KIF3A: variants seen among roughly 807,000 people sequenced by gnomAD.
KIF3A encodes the protein kinesin family member 3A, also known as kinesin-like protein KIF3A.
Under a neutral mutation model 92.6 loss-of-function variants are expected in KIF3A, and 27 were observed. The observed-to-expected ratio is 0.29, with a 90% CI of 0.21 to 0.40. KIF3A has a LOEUF of 0.40. Among genes scored for constraint, KIF3A ranks in the 10% least tolerant of loss-of-function variants. The pLI, the probability that KIF3A is intolerant of heterozygous loss-of-function variation, is 1.00. For synonymous variants in KIF3A, 250 were observed against 275.4 expected, an observed-to-expected ratio of 0.91 and a Z score of 0.92; for missense variants, 581 against 872.6, an observed-to-expected ratio of 0.67 and a Z score of 4.21.
intron 4 of KIF3A, among the ~76,000 whole-genome samples, chr5:132,722,420 A>G (rs1753855277): frequency 6.6e-6 from 1 of 152,172 alleles, no homozygotes; most frequent in Admixed American, 6.6e-5. Context: ...GTCCTAGAAT[A>G]TTTTAGAAAT....
intron 1 of KIF3A, 142 bp downstream of exon 1, chr5:132,737,272 C>T: frequency 1.1e-6 from 1 of 939,256 alleles, no homozygotes; most frequent in Non-Finnish European, 1.5e-6. Context: ...CCAGGCTCTC[C>T]AACCACCTCC....
intron 18 of KIF3A, 144 bp downstream of exon 18, chr5:132,699,027 T>A: frequency 1.2e-6 from 1 of 839,938 alleles, no homozygotes. Flanking sequence ...CGTGAGCCAC[T>A]GTGCCCAGCC....
chr5:132,700,185 T>G (rs773873862), intron 17 of KIF3A, 31 bp downstream of exon 17: 3 of 1,234,958 alleles, frequency 2.4e-6, no homozygotes, highest in Non-Finnish European at 3.5e-6. Flanking sequence ...TAGTTTTGTG[T>G]TTTGTTTTGT....
chr5:132,706,412 A>G (rs1162534040), intron 11 of KIF3A, 39 bp downstream of exon 11: 1 of 1,466,974 alleles, frequency 6.8e-7, no homozygotes. Flanking sequence ...TATAGGATAA[A>G]TAATTGTACC....
chr5:132,736,616 T>C lies in KIF3A; in HGVS notation c.6+798A>G, dbSNP rs35938541. 0.029 allele frequency among the ~76,000 whole-genome samples: 4,456 copies of C among 152,278 alleles called. 301 individuals are homozygous for C. The East Asian group carries it at 0.32, about 11-fold the overall frequency. ...ACTTGAAAGCAGTGAACAGAACAAA[T>C]ATAGAGCATTTAATCTTAAATGTCA... On this transcript the variant is annotated intron_variant, in intron 1 of 18. Coordinates refer to ENST00000403231, the MANE Select transcript of KIF3A (RefSeq NM_001300791.2).
intron 16 of KIF3A, 25 bp downstream of exon 16, chr5:132,700,622 G>C: frequency 6.8e-7 from 1 of 1,474,042 alleles, no homozygotes; most frequent in Non-Finnish European, 9.5e-7. Flanking sequence ...TAATTATTAC[G>C]TGAAAGAATG....
chr5:132,705,794 G>A (rs1753190623), intron 11 of KIF3A, among the ~76,000 whole-genome samples: 2 of 151,976 alleles, frequency 1.3e-5, no homozygotes, highest in African/African-American at 2.4e-5. Context: ...ATGTGAATAT[G>A]TGCTAACTCT....
intron 10 of KIF3A, among the ~76,000 whole-genome samples, chr5:132,708,607 A>G (rs75059256): frequency 0.01 from 1,567 of 152,352 alleles, 15 homozygotes; most frequent in Non-Finnish European, 0.014. Context: ...AACCTAAAAA[A>G]TAAGCATAAG....
At chr5:132,714,080 A>G (rs188444847) in intron 8 of KIF3A, among the ~76,000 whole-genome samples, 1 of 151,712 alleles carries the variant, frequency 6.6e-6, no homozygotes, top group African/African-American at 2.4e-5. Flanking sequence ...TATTTTCAGT[A>G]AAGATGGGGT....
Position 132,712,867 on chromosome 5 carries a change from A to C in KIF3A, c.1130-1810T>G, listed in dbSNP as rs912283862. ...AGTGTGCTAGACATCGTCATTAAAA[A>C]GGCATGACATGGCCGGGCATGGTGG... is the stretch of plus-strand genomic sequence containing the variant. On this transcript the variant is annotated intron_variant, in intron 8 of 18. Transcript: ENST00000403231. Among the ~76,000 whole-genome samples the C allele has an allele frequency of 3.9e-5, 6 of 152,352 alleles. No homozygotes were observed. In the South Asian group the frequency reaches 1.0e-3, roughly 26 times the overall value.
chr5:132,732,277 C>A (rs552404594), intron 2 of KIF3A, among the ~76,000 whole-genome samples: 70 of 152,250 alleles, frequency 4.6e-4, no homozygotes, highest in African/African-American at 1.7e-3. Context: ...AAACATTAAA[C>A]AAAGTTACCA....
chr5:132,728,774 T>C (rs1383755111), intron 2 of KIF3A, among the ~76,000 whole-genome samples: 1 of 146,468 alleles, frequency 6.8e-6, no homozygotes, highest in South Asian at 2.1e-4. Context: ...TAAATAAATA[T>C]AATAAACTAT....
intron 17 of KIF3A, 120 bp downstream of exon 17, chr5:132,700,096 A>G: frequency 3.1e-6 from 2 of 641,294 alleles, no homozygotes; most frequent in Non-Finnish European, 5.3e-6. Flanking sequence ...GTATCAGCCC[A>G]TTTTTCAGCA....
chr5:132,711,600 AT>A (rs1239124562), intron 8 of KIF3A, among the ~76,000 whole-genome samples: 59 of 149,114 alleles, frequency 4.0e-4, no homozygotes, highest in African/African-American at 1.1e-3. Context: ...AAAAAAAAAA[AT>A]AAAAATATTC....
intron 8 of KIF3A, among the ~76,000 whole-genome samples, chr5:132,711,571 A>G (rs1314336743): frequency 6.7e-6 from 1 of 150,100 alleles, no homozygotes; most frequent in Non-Finnish European, 1.5e-5. Flanking sequence ...CAGCCTCAAC[A>G]ACAGAGTGAC....
At chr5:132,727,421 G>C (rs1754071210) in intron 2 of KIF3A, among the ~76,000 whole-genome samples, 1 of 152,104 alleles carries the variant, frequency 6.6e-6, no homozygotes, top group South Asian at 2.1e-4. Flanking sequence ...AAGGAGAGGG[G>C]GTCAGGGAGG....
intron 2 of KIF3A, among the ~76,000 whole-genome samples, chr5:132,729,473 AAAC>A (rs1427762931): frequency 3.9e-5 from 6 of 152,038 alleles, no homozygotes; most frequent in Non-Finnish European, 7.4e-5. Context: ...AACAAACAGA[AAAC>A]AACAACAACA....
chr5:132,691,557 A>G (rs976516417), downstream of KIF3A, among the ~76,000 whole-genome samples: 5 of 151,784 alleles, frequency 3.3e-5, no homozygotes, highest in Admixed American at 6.6e-5. Flanking sequence ...CAAAAAAAAA[A>G]AAGTATTTTT....
intron 3 of KIF3A, 43 bp from the exon 4 acceptor site, chr5:132,726,255 A>G (rs1754029472): frequency 1.3e-6 from 2 of 1,581,302 alleles, no homozygotes; most frequent in Admixed American, 1.7e-5. Flanking sequence ...TGAAATATTC[A>G]TAAGAACGGT....
Sources: allele counts gnomAD v4.1 joint callset (sites outside exome capture counted in the v4.1 genomes callset), GRCh38; gene constraint gnomAD v4.1.1; transcripts MANE v1.5; gene names NCBI Gene and HGNC (gene_info 2026-07-23, HGNC 2026-07-21).